TBXAS1: variants seen among roughly 807,000 people sequenced by gnomAD.
The protein encoded by TBXAS1 is thromboxane A synthase 1, also known as thromboxane-A synthase.
A neutral mutation model predicts 60.7 loss-of-function variants in TBXAS1; 48 were observed. The ratio of observed to expected loss-of-function variants is 0.79; its 90% confidence interval spans 0.63 to 1.01. The LOEUF (loss-of-function observed/expected upper bound fraction) is 1.01, where lower values mean the gene tolerates loss of function less well. Among genes scored for constraint, TBXAS1 ranks in the 50% least tolerant of loss-of-function variants. The pLI is 0.00. For synonymous variants in TBXAS1, 287 were observed against 269.7 expected (o/e 1.06, Z -0.63); for missense variants, 685 against 686.3 (o/e 1.00, Z 0.02).
chr7:139,968,101 C>T (rs1488401391), intron 9 of TBXAS1, among the ~76,000 whole-genome samples: 2 of 152,164 alleles, frequency 1.3e-5, no homozygotes, highest in East Asian at 1.9e-4. Flanking sequence ...CTACTGTTAG[C>T]AGTTCTAAAC....
chr7:139,879,864 GTGTGTGTGTGTGTGTTT>G (rs142512050), intron 3 of TBXAS1, among the ~76,000 whole-genome samples: 127 of 145,018 alleles, frequency 8.8e-4, no homozygotes, highest in African/African-American at 3.2e-3. Context: ...GTGTGTGTGT[GTGTGTGTGTGTGTGTTT>G]TGTTTTGTTT....
chr7:140,020,255 TTAA>T lies in TBXAS1; in HGVS notation c.*160_*162del. 1 of 773,578 alleles carries T rather than the reference TTAA, an allele frequency of 1.3e-6. No homozygotes were observed. Among genetic ancestry groups the T allele is most frequent in the Non-Finnish European group, 2.2e-6 (1 of 450,188 alleles). The allele number at this position is 773,578 out of a possible 1,614,324, so 47.9% of individuals were successfully genotyped here. The stretch of plus-strand genomic sequence containing the variant: ...TCTTTACATAACATTTCCTAAATGC[TTAA>T]TAAACGTTTGTTGCACTTGGTTTTG... On this transcript the variant is annotated 3_prime_UTR_variant, in exon 13 of 13. Coordinates refer to ENST00000448866, the MANE Select transcript of TBXAS1 (RefSeq NM_001061.7).
At chr7:139,929,183 A>G (rs1807116985) in intron 4 of TBXAS1, among the ~76,000 whole-genome samples, 1 of 152,176 alleles carries the variant, frequency 6.6e-6, no homozygotes, top group African/African-American at 2.4e-5. Flanking sequence ...CAAATATAAA[A>G]TTTTCTTTTT....
In TBXAS1 at chr7:139,916,118, G is replaced by A. The variant is rs1199946960; in HGVS notation, c.333+4797G>A. ...GAGCTCTTCTTTGCTGTCAGGTACG[G>A]TACCTAATGAAACCATAGGGCAGCT... On this transcript the variant is annotated intron_variant, in intron 4 of 12. Coordinates refer to ENST00000448866, the MANE Select transcript of TBXAS1 (RefSeq NM_001061.7). The surrounding 1 kb of genome is among the most constrained non-coding windows in gnomAD (Gnocchi z 4.2). Among the ~76,000 whole-genome samples the A allele has an allele frequency of 2.0e-5, 3 of 152,154 alleles. No individual in the cohort carries two copies. Among genetic ancestry groups the A allele is most frequent in the Non-Finnish European group, 4.4e-5 (3 of 68,038 alleles).
intron 1 of TBXAS1, among the ~76,000 whole-genome samples, chr7:139,870,661 C>T (rs187636044): frequency 1.4e-3 from 214 of 152,274 alleles, no homozygotes; most frequent in Non-Finnish European, 2.3e-3. Flanking sequence ...TGAACATGGA[C>T]CTAAATGTGA....
At chr7:139,910,611 T>C (rs1391950485) in intron 3 of TBXAS1, among the ~76,000 whole-genome samples, 3 of 152,218 alleles carry the variant, frequency 2.0e-5, no homozygotes, top group East Asian at 1.9e-4. Context: ...CAGTACAGCC[T>C]GGACAAAAGA....
At chr7:139,978,168 T>C (rs914239599) in intron 9 of TBXAS1, among the ~76,000 whole-genome samples, 25 of 152,114 alleles carry the variant, frequency 1.6e-4, no homozygotes, top group African/African-American at 4.6e-4. Context: ...AGTGATCCTG[T>C]GGGGTCAAGT....
At chr7:140,018,234 T>TG (rs1569525662) in intron 12 of TBXAS1, among the ~76,000 whole-genome samples, 2 of 151,900 alleles carry the variant, frequency 1.3e-5, no homozygotes, top group Admixed American at 6.6e-5. Flanking sequence ...CTTTGCGGGG[T>TG]GGGGGGTGCA....
chr7:139,960,755 A>G (rs2117371334), intron 8 of TBXAS1, among the ~76,000 whole-genome samples: 1 of 152,160 alleles, frequency 6.6e-6, no homozygotes, highest in Non-Finnish European at 1.5e-5. Context: ...AAAAGATGAA[A>G]TCAGACGCTC....
chr7:139,820,115 A>G (rs1477638456), intron 4 of TBXAS1, among the ~76,000 whole-genome samples: 1 of 151,968 alleles, frequency 6.6e-6, no homozygotes, highest in East Asian at 1.9e-4. Flanking sequence ...AGTGACTAGG[A>G]GGTGAAAAAT....
At chr7:139,828,783 G>T (rs1399551744), upstream of TBXAS1, among the ~76,000 whole-genome samples, 1 of 152,166 alleles carries the variant, frequency 6.6e-6, no homozygotes, top group Non-Finnish European at 1.5e-5. Context: ...TGCTCCAACA[G>T]CCAGACACTC....
intron 1 of TBXAS1, among the ~76,000 whole-genome samples, chr7:139,851,930 T>G (rs1412078209): frequency 6.6e-6 from 1 of 152,176 alleles, no homozygotes; most frequent in African/African-American, 2.4e-5. Context: ...TGTTATCACT[T>G]CCAAGATTAG....
At chr7:139,981,927 T>G (rs1458442292) in intron 9 of TBXAS1, among the ~76,000 whole-genome samples, 1 of 152,256 alleles carries the variant, frequency 6.6e-6, no homozygotes, top group Non-Finnish European at 1.5e-5. Context: ...TGATGACAGA[T>G]AGTGAATAAA....
At chr7:139,939,388 A>AAAAAAAAAAAC (rs1808086787) in intron 5 of TBXAS1, among the ~76,000 whole-genome samples, 1 of 151,386 alleles carries the variant, frequency 6.6e-6, no homozygotes, top group African/African-American at 2.4e-5. Context: ...AAAAAAAAAA[A>AAAAAAAAAAAC]AAAAAAGCCA....
intron 4 of TBXAS1, among the ~76,000 whole-genome samples, chr7:139,804,573 G>C (rs1007826680): frequency 1.3e-5 from 2 of 152,196 alleles, no homozygotes; most frequent in Admixed American, 1.3e-4. Flanking sequence ...TGGTTTGGCT[G>C]TGTCCCCACC....
rs181280778 is a variant in TBXAS1 at position 139,868,607 on chromosome 7, C to T, written c.90-3628C>T. ...CAAGTGATCCTCCCATCCCAGCCTT[C>T]CAAGTAGCTGGGACTATAGGTGTGT... On this transcript the variant is annotated intron_variant, in intron 1 of 12. Transcript: ENST00000448866. Among the ~76,000 whole-genome samples the T allele has an allele frequency of 1.6e-4, 25 of 151,538 alleles. 1 individual carries two copies. In the East Asian group the frequency reaches 4.7e-3, roughly 28 times the overall value.
chr7:139,937,542 G>A (rs1807886684), intron 5 of TBXAS1, among the ~76,000 whole-genome samples: 1 of 152,160 alleles, frequency 6.6e-6, no homozygotes, highest in Admixed American at 6.5e-5. Context: ...TTTGGGGGCA[G>A]AGCCTGTCTC....
In TBXAS1 at chr7:139,778,984, A is replaced by C. The variant is rs2117209309; in HGVS notation, c.-318+513A>C. On this transcript the variant is annotated intron_variant, in intron 1 of 16. Coordinates refer to the TBXAS1 transcript ENST00000336425. This position sits in a 1 kb window ranked among gnomAD's most constrained non-coding sequence, Gnocchi z 4.8. ...ATGCAGCGGAAGGCAACCAGCTTTC[A>C]AAAAGAACGAAATGGAATCCAATAG... 6.6e-6 allele frequency among the ~76,000 whole-genome samples: 1 copy of C among 152,348 alleles called. No homozygotes were observed. Among genetic ancestry groups the C allele is most frequent in the South Asian group, 2.1e-4 (1 of 4,826 alleles).
At chr7:139,990,513 G>A (rs986249224) in intron 9 of TBXAS1, among the ~76,000 whole-genome samples, 1 of 152,088 alleles carries the variant, frequency 6.6e-6, no homozygotes, top group Admixed American at 6.5e-5. Context: ...CTGGGGGCAC[G>A]GGAACCCTCC....
Sources: gnomAD v4.1 joint callset for allele counts (sites outside exome capture counted in the v4.1 genomes callset) on GRCh38, gnomAD v4.1.1 for gene constraint, Gnocchi (gnomAD v3.1) non-coding constraint, MANE v1.5 for transcripts, NCBI Gene and HGNC (gene_info 2026-07-23, HGNC 2026-07-21) for gene names.